Variants in MRPS6 observed in about 807,000 individuals in gnomAD.
MRPS6 encodes mitochondrial ribosomal protein S6.
In MRPS6, 6 loss-of-function variants were observed where a neutral mutation model predicts 13.1. The ratio of observed to expected loss-of-function variants is 0.46; its 90% CI spans 0.25 to 0.91. The LOEUF (loss-of-function observed/expected upper bound fraction) is 0.91. Ranked by LOEUF, MRPS6 falls within the 40% of genes least tolerant of loss-of-function variation. The probability of loss-of-function intolerance (pLI) is 0.18; values close to 1 mark genes in which losing one functional copy is unlikely to be tolerated. For synonymous variants in MRPS6, 61 were observed against 56.5 expected (o/e 1.08, Z -0.36); for missense variants, 164 against 155.6 (o/e 1.05, Z -0.29).
intron 1 of MRPS6, chr21:34,105,010 C>T: frequency 2.0e-6 from 2 of 1,000,012 alleles, no homozygotes; most frequent in Non-Finnish European, 2.4e-6. Flanking sequence ...ACTGTGAGAT[C>T]TCTAACTTTT....
At chr21:34,137,267 G>A (rs1440224621) in intron 2 of MRPS6, among the ~76,000 whole-genome samples, 1 of 152,066 alleles carries the variant, frequency 6.6e-6, no homozygotes, top group Non-Finnish European at 1.5e-5. Context: ...TGTTTAACTT[G>A]GAGAGGGTTG....
chr21:34,099,209 A>T (rs1244346013), intron 1 of MRPS6: 1 of 999,882 alleles, frequency 1.0e-6, no homozygotes, highest in Non-Finnish European at 1.2e-6. Flanking sequence ...TCTCAATTTT[A>T]TTCTTGAGGT....
chr21:34,089,713 G>A (rs902289132), intron 1 of MRPS6, among the ~76,000 whole-genome samples: 1 of 152,092 alleles, frequency 6.6e-6, no homozygotes, highest in Non-Finnish European at 1.5e-5. Context: ...GGTGGTAGAG[G>A]GTTGGGAGGA....
intron 1 of MRPS6, among the ~76,000 whole-genome samples, chr21:34,087,379 T>G (rs1383629382): frequency 6.6e-6 from 1 of 152,210 alleles, no homozygotes; most frequent in African/African-American, 2.4e-5. Flanking sequence ...TTGTTAATAT[T>G]TGATTTTTTT....
In MRPS6 at chr21:34,082,079, A is replaced by G. The variant is rs570114922; in HGVS notation, c.45+8334A>G. Among the ~76,000 whole-genome samples the G allele has an allele frequency of 1.1e-3, 171 of 151,680 alleles. 1 individual carries two copies. The highest frequency in any genetic ancestry group is 3.9e-3 in the African/African-American group (160 of 41,234). On this transcript the variant is annotated intron_variant, in intron 1 of 2. Transcript: ENST00000399312. ...GGTTTTTTTTTTTTTGATGTTGCCA[A>G]CTAATTGAATACTTAGGTACCATGG...
At chr21:34,135,895 T>A in intron 2 of MRPS6, 1 of 513,478 alleles carries the variant, frequency 1.9e-6, no homozygotes, top group Non-Finnish European at 3.6e-6. Flanking sequence ...AGGCCCTGCA[T>A]TGTGAGGCAG....
At chr21:34,079,433 T>C (rs1403192777) in intron 1 of MRPS6, among the ~76,000 whole-genome samples, 5 of 150,806 alleles carry the variant, frequency 3.3e-5, no homozygotes, top group Admixed American at 1.3e-4. Context: ...ATTTCTCCCT[T>C]CTTCTTCTTT....
At chr21:34,077,463 ATCT>A (rs1989360235) in intron 1 of MRPS6, among the ~76,000 whole-genome samples, 2 of 152,236 alleles carry the variant, frequency 1.3e-5, no homozygotes, top group Non-Finnish European at 2.9e-5. Flanking sequence ...TTTTCCTGAA[ATCT>A]TCTCATTGGC....
intron 2 of MRPS6, among the ~76,000 whole-genome samples, chr21:34,139,093 A>T (rs1980810850): frequency 6.7e-6 from 1 of 149,746 alleles, no homozygotes; most frequent in African/African-American, 2.5e-5. Context: ...AGGACAAAAA[A>T]CCAAACACCG....
intron 2 of MRPS6, chr21:34,135,346 G>GT (rs747809642): frequency 0.049 from 7,230 of 147,126 alleles, 749 homozygotes; most frequent in Non-Finnish European, 0.059. Context: ...ATGAGAGCCG[G>GT]TTTTTTTTTT....
intron 2 of MRPS6, among the ~76,000 whole-genome samples, chr21:34,127,651 G>A (rs1433940426): frequency 6.6e-6 from 1 of 152,236 alleles, no homozygotes; most frequent in Non-Finnish European, 1.5e-5. Flanking sequence ...ACGTTTATGT[G>A]TCTGCAGTGT....
intron 1 of MRPS6, among the ~76,000 whole-genome samples, chr21:34,116,343 A>G (rs964379650): frequency 7.3e-6 from 1 of 136,202 alleles, no homozygotes; most frequent in African/African-American, 2.8e-5. Context: ...TTTAATTTCT[A>G]TAGGTGTTTT....
chr21:34,105,326 A>T (rs1979429435), intron 1 of MRPS6: 1 of 998,906 alleles, frequency 1.0e-6, no homozygotes, highest in Non-Finnish European at 1.2e-6. Flanking sequence ...TTTTGATAAG[A>T]TGGATATCAA....
intron 1 of MRPS6, among the ~76,000 whole-genome samples, chr21:34,084,950 G>C (rs1989538181): frequency 6.6e-6 from 1 of 152,026 alleles, no homozygotes; most frequent in African/African-American, 2.4e-5. Flanking sequence ...TATTTTGAGA[G>C]TTGCAGACAT....
chr21:34,105,247 C>G (rs1332480523), intron 1 of MRPS6: 1 of 1,000,110 alleles, frequency 1.0e-6, no homozygotes, highest in Non-Finnish European at 1.2e-6. Flanking sequence ...ATCCCATTTT[C>G]TTTTGTCCAG....
rs11327535 is a variant in MRPS6, at chr21:34,082,055, G to GT, written c.45+8323dup. On this transcript the variant is annotated intron_variant, in intron 1 of 2. Coordinates refer to ENST00000399312, the MANE Select transcript of MRPS6 (RefSeq NM_032476.4). ...AAATCCAGATTTTATAGGAAATCTG[G>GT]TTTTTTTTTTTTTGATGTTGCCAAC... Among the ~76,000 whole-genome samples the GT allele has an allele frequency of 2.7e-3, 390 of 143,396 alleles. 1 individual carries two copies. The highest frequency in any genetic ancestry group is 3.5e-3 in the Middle Eastern group (1 of 282). 94.1% of individuals were successfully genotyped at this position (143,396 alleles called of 152,430 possible).
intron 1 of MRPS6, among the ~76,000 whole-genome samples, chr21:34,086,066 C>CT (rs1243706971): frequency 1.3e-5 from 2 of 152,190 alleles, no homozygotes. Flanking sequence ...GCTTAATGAC[C>CT]TTAAGTCTCT....
chr21:34,135,077 A>G (rs888810448), intron 2 of MRPS6, among the ~76,000 whole-genome samples: 9 of 152,260 alleles, frequency 5.9e-5, no homozygotes, highest in African/African-American at 2.2e-4. Flanking sequence ...TTCACTCAGC[A>G]TAATTATTTT....
intron 1 of MRPS6, among the ~76,000 whole-genome samples, chr21:34,107,300 C>G (rs1979519215): frequency 6.6e-6 from 1 of 152,168 alleles, no homozygotes; most frequent in East Asian, 1.9e-4. Flanking sequence ...TTGGGTTTGT[C>G]TGTTCCCTCA....
Sources: gnomAD v4.1 joint callset for allele counts (sites outside exome capture counted in the v4.1 genomes callset) on GRCh38, gnomAD v4.1.1 for gene constraint, MANE v1.5 for transcripts, NCBI Gene and HGNC (gene_info 2026-07-23, HGNC 2026-07-21) for gene names.